CCDC30: variants seen among roughly 807,000 people sequenced by gnomAD.
The protein encoded by CCDC30 is coiled-coil domain-containing protein 30.
A neutral mutation model predicts 100.2 loss-of-function variants in CCDC30; 70 were observed. That is an observed-to-expected ratio of 0.70 (90% CI 0.58 to 0.85). CCDC30 has a LOEUF of 0.85. Ranked by LOEUF, CCDC30 falls within the 40% of genes least tolerant of loss-of-function variation. CCDC30 has a pLI of 0.00. For missense variants in CCDC30, 652 were observed against 771.2 expected, an observed-to-expected ratio of 0.85 and a Z score of 1.83; for synonymous variants, 233 against 269.5, an observed-to-expected ratio of 0.86 and a Z score of 1.33.
chr1:42,650,277 G>A (rs1004125610), intron 15 of CCDC30, among the ~76,000 whole-genome samples: 3 of 152,038 alleles, frequency 2.0e-5, no homozygotes, highest in African/African-American at 7.3e-5. Flanking sequence ...GGGCCCAGGA[G>A]TTTGAGACCA....
intron 7 of CCDC30, among the ~76,000 whole-genome samples, chr1:42,574,374 TAA>T (rs1400249388): frequency 6.6e-6 from 1 of 152,032 alleles, no homozygotes; most frequent in Non-Finnish European, 1.5e-5. Context: ...TTAAATTTTT[TAA>T]AGTTTTACAG....
At chr1:42,609,968 C>T (rs77090753) in intron 10 of CCDC30, among the ~76,000 whole-genome samples, 353 of 152,276 alleles carry the variant, frequency 2.3e-3, no homozygotes, top group African/African-American at 4.8e-3. Flanking sequence ...TTGGATATAT[C>T]GGTCTTCTGA....
At chr1:42,546,372 T>A (rs1241257342) in intron 6 of CCDC30, among the ~76,000 whole-genome samples, 1 of 84,266 alleles carries the variant, frequency 1.2e-5, no homozygotes. Context: ...GCAACAAGAG[T>A]GAAATTCTGT....
At chr1:42,541,824 T>C (rs1359009436) in intron 6 of CCDC30, among the ~76,000 whole-genome samples, 1 of 152,240 alleles carries the variant, frequency 6.6e-6, no homozygotes, top group Admixed American at 6.5e-5. Flanking sequence ...AAGCTGTATG[T>C]ATTTGCTGAA....
exon 8 of CCDC30, chr1:42,577,088 G>A (rs147422175): frequency 1.9e-5 from 30 of 1,613,870 alleles, no homozygotes; most frequent in African/African-American, 1.7e-4. Flanking sequence ...CTTCACTCAC[G>A]GCAGAGTACA....
intron 9 of CCDC30, among the ~76,000 whole-genome samples, chr1:42,584,840 T>A (rs1488177384): frequency 6.6e-6 from 1 of 152,216 alleles, no homozygotes; most frequent in Non-Finnish European, 1.5e-5. Context: ...GGTATTGGTC[T>A]GTGGTTTTCC....
intron 11 of CCDC30, among the ~76,000 whole-genome samples, chr1:42,632,301 C>A (rs1204453586): frequency 6.6e-6 from 1 of 152,070 alleles, no homozygotes; most frequent in African/African-American, 2.4e-5. Context: ...CTGACCAGTG[C>A]CCTATCCTGC....
rs57060353 is a variant in CCDC30, at chr1:42,545,162, TAAA to T, written c.457-21110_457-21108del. On this transcript the variant is annotated intron_variant, in intron 6 of 16. Transcript: ENST00000668663. The stretch of plus-strand genomic sequence containing the variant: ...CAACCCCAGAGTCCAAAAATACCTT[TAAA>T]AAAAAAAAAAAAAAAAAAAAAAAGG... Among the ~76,000 whole-genome samples the T allele has an allele frequency of 4.4e-3, 286 of 64,680 alleles. 2 individuals carry two copies. The highest frequency in any genetic ancestry group is 0.013 in the African/African-American group (267 of 20,496). 42.4% of individuals were successfully genotyped at this position (64,680 alleles called of 152,430 possible).
intron 6 of CCDC30, among the ~76,000 whole-genome samples, 199 bp downstream of exon 8, chr1:42,539,509 A>G (rs1644972216): frequency 6.6e-6 from 1 of 152,302 alleles, no homozygotes; most frequent in East Asian, 1.9e-4. Context: ...TCAGACTTCA[A>G]CCAGCACTTG....
intron 1 of CCDC30, chr1:42,473,422 C>T (rs1293325043): frequency 2.8e-5 from 14 of 502,786 alleles, no homozygotes; most frequent in Admixed American, 4.5e-5. Context: ...AAAGCACCCA[C>T]GTGTAGACCT....
chr1:42,580,963 T>C (rs566166954), intron 8 of CCDC30: 9 of 435,720 alleles, frequency 2.1e-5, no homozygotes, highest in Non-Finnish European at 3.2e-5. Flanking sequence ...CTCAGCTTCC[T>C]GAGTAGCTGG....
intron 6 of CCDC30, among the ~76,000 whole-genome samples, chr1:42,520,477 A>G (rs531656659): frequency 6.6e-6 from 1 of 151,112 alleles, no homozygotes; most frequent in Non-Finnish European, 1.5e-5. Context: ...GATTACAGGC[A>G]TGCACCACCA....
chr1:42,456,293 G>A, the CCDC30 span: 3 of 594,552 alleles, frequency 5.0e-6, no homozygotes, highest in Non-Finnish European at 8.9e-6. Context: ...AACATGGCCA[G>A]TTCTTCACCC....
intron 1 of CCDC30, among the ~76,000 whole-genome samples, chr1:42,469,152 G>T (rs1450373041): frequency 6.6e-6 from 1 of 152,194 alleles, no homozygotes; most frequent in African/African-American, 2.4e-5. Context: ...GCTGAAATGG[G>T]AGGATCACTT....
At chr1:42,538,843 A>G (rs1644958996) in intron 6 of CCDC30, among the ~76,000 whole-genome samples, 1 of 152,230 alleles carries the variant, frequency 6.6e-6, no homozygotes, top group Non-Finnish European at 1.5e-5. Context: ...AACAGATAAT[A>G]TAACTATTGA....
At chr1:42,564,199 T>C (rs1347186585) in intron 6 of CCDC30, among the ~76,000 whole-genome samples, 2 of 152,244 alleles carry the variant, frequency 1.3e-5, no homozygotes, top group African/African-American at 4.8e-5. Flanking sequence ...TTCAGCATAC[T>C]ACTTGTGCCT....
At chr1:42,562,305 A>G (rs1645506713) in intron 6 of CCDC30, among the ~76,000 whole-genome samples, 1 of 152,164 alleles carries the variant, frequency 6.6e-6, no homozygotes. Context: ...AACACCACAC[A>G]TCTACAACCA....
At chr1:42,611,867 A>G (rs57519056) in intron 11 of CCDC30, among the ~76,000 whole-genome samples, 3,987 of 152,150 alleles carry the variant, frequency 0.026, 151 homozygotes, top group African/African-American at 0.09. Context: ...TTATAGAGAC[A>G]GGGGTCTCAC....
intron 6 of CCDC30, among the ~76,000 whole-genome samples, chr1:42,535,164 G>C (rs1194511360): frequency 2.0e-5 from 3 of 152,148 alleles, no homozygotes; most frequent in African/African-American, 7.2e-5. Context: ...TACTCAATCA[G>C]TAAGGAGCCC....
Sources: gnomAD v4.1 joint callset for allele counts (sites outside exome capture counted in the v4.1 genomes callset) on GRCh38, gnomAD v4.1.1 for gene constraint, MANE v1.5 for transcripts, NCBI Gene and HGNC (gene_info 2026-07-23, HGNC 2026-07-21) for gene names.